The following ARAP2 variants were observed in gnomAD, a reference collection of about 807,000 sequenced individuals.
The protein encoded by ARAP2 is arf-GAP with Rho-GAP domain, ANK repeat and PH domain-containing protein 2.
A neutral mutation model predicts 194.5 loss-of-function variants in ARAP2; 148 were observed. The ratio of observed to expected loss-of-function variants is 0.76; its 90% confidence interval spans 0.67 to 0.87. The LOEUF (loss-of-function observed/expected upper bound fraction) is 0.87, where lower values mean the gene tolerates loss of function less well. ARAP2 is among the 40% of genes least tolerant of loss of function. The probability of loss-of-function intolerance (pLI) is 0.00; values close to 1 mark genes in which losing one functional copy is unlikely to be tolerated. For missense variants in ARAP2, 2,128 were observed against 1,989.7 expected (o/e 1.07, Z -1.32); for synonymous variants, 695 against 683.5 (o/e 1.02, Z -0.26).
Position 36,082,288 on chromosome 4 carries a change from T to C in ARAP2, c.4509-2A>G. The C allele has an allele frequency of 6.2e-7, 1 of 1,608,192 alleles. No homozygotes were observed. Among genetic ancestry groups the C allele is most frequent in the Non-Finnish European group, 8.5e-7 (1 of 1,177,864 alleles). ...TCAGAATATGCGGTCAATCCCCAGCTGCATCACATAGAAAAAAAAACACAC... is the reference window on the plus strand; with the variant it reads ...TCAGAATATGCGGTCAATCCCCAGCCGCATCACATAGAAAAAAAAACACAC... On this transcript the variant is annotated splice_acceptor_variant, in intron 29 of 32. Coordinates refer to ENST00000303965, the MANE Select transcript of ARAP2 (RefSeq NM_015230.4). LOFTEE classifies it high-confidence loss of function.
At chr4:36,204,530 A>T (rs1015124138) in intron 6 of ARAP2, among the ~76,000 whole-genome samples, 3 of 152,198 alleles carry the variant, frequency 2.0e-5, no homozygotes, top group African/African-American at 7.2e-5. Context: ...GATACAAGGG[A>T]ATCCCAAGAT....
At chr4:36,031,743 A>G (rs918840219) in intron 5 of ARAP2, among the ~76,000 whole-genome samples, 2 of 150,600 alleles carry the variant, frequency 1.3e-5, no homozygotes, top group African/African-American at 2.4e-5. Flanking sequence ...ATCTTGGCTC[A>G]CTGCAACCTC....
intron 8 of ARAP2, among the ~76,000 whole-genome samples, chr4:36,182,929 C>T (rs1739618088): frequency 6.6e-6 from 1 of 152,092 alleles, no homozygotes; most frequent in African/African-American, 2.4e-5. Flanking sequence ...GAATATATGA[C>T]TGTGGAGTAC....
intron 8 of ARAP2, among the ~76,000 whole-genome samples, chr4:36,013,511 T>C (rs1510653): frequency 0.17 from 25,192 of 152,030 alleles, 4,599 homozygotes; most frequent in African/African-American, 0.46. Flanking sequence ...AAAGAGAGAA[T>C]TATGGATACA....
chr4:36,159,359 C>G lies in ARAP2; in HGVS notation c.2589G>C (p.Met863Ile). ...AGAATTTGTTATGGTAGAGAAATTCCATTTGCAGACTTTGCCCAGCTTTCT... is the reference window on the plus strand; with the variant it reads ...AGAATTTGTTATGGTAGAGAAATTCGATTTGCAGACTTTGCCCAGCTTTCT... ...LAKKAGQSLQ[M>I]EFLYHNKFSD... The change falls in exon 14 of 33, where the codon ATG (methionine) becomes ATC (isoleucine). Residue 863 changes from methionine to isoleucine, a missense_variant. Met to Ile is a conservative substitution (Grantham distance 10). Transcript: ENST00000303965. 1 of 1,606,274 alleles carries G rather than the reference C, an allele frequency of 6.2e-7. No homozygotes were observed. The highest frequency in any genetic ancestry group is 8.5e-7 in the Non-Finnish European group (1 of 1,175,534).
intron 28 of ARAP2, among the ~76,000 whole-genome samples, 190 bp downstream of exon 28, chr4:36,091,691 C>A (rs1560410463): frequency 6.6e-6 from 1 of 152,054 alleles, no homozygotes; most frequent in Non-Finnish European, 1.5e-5. Context: ...CTAAAAAGGC[C>A]TTATAAAATT....
intron 20 of ARAP2, among the ~76,000 whole-genome samples, chr4:36,132,905 T>C (rs1474445293): frequency 1.3e-5 from 2 of 151,814 alleles, no homozygotes; most frequent in Non-Finnish European, 2.9e-5. Context: ...AAAGATAGTC[T>C]TCAATCTACT....
intron 27 of ARAP2, among the ~76,000 whole-genome samples, chr4:36,093,648 T>G (rs1714366475): frequency 6.6e-6 from 1 of 152,148 alleles, no homozygotes; most frequent in Non-Finnish European, 1.5e-5. Context: ...GTATTTTGGA[T>G]TCAGGGGTAC....
chr4:36,243,383 C>CAA (rs71201008), intron 1 of ARAP2, among the ~76,000 whole-genome samples: 2,448 of 84,940 alleles, frequency 0.029, 266 homozygotes, highest in African/African-American at 0.11. Context: ...GACAAGCTTG[C>CAA]AAAAAAAAAA....
intron 28 of ARAP2, among the ~76,000 whole-genome samples, chr4:36,088,577 A>T (rs1318224920): frequency 1.3e-5 from 2 of 152,090 alleles, no homozygotes; most frequent in Non-Finnish European, 2.9e-5. Flanking sequence ...TGAATCTGTG[A>T]TAAGGGCTGC....
chr4:36,054,735 C>T (rs1383497663), intron 2 of ARAP2, among the ~76,000 whole-genome samples: 1 of 152,182 alleles, frequency 6.6e-6, no homozygotes, highest in Non-Finnish European at 1.5e-5. Context: ...ATCATTACCA[C>T]ATACTACCAA....
chr4:36,126,950 A>T (rs1202300863), intron 21 of ARAP2, among the ~76,000 whole-genome samples: 1 of 151,918 alleles, frequency 6.6e-6, no homozygotes, highest in Non-Finnish European at 1.5e-5. Context: ...TGATCCTCCC[A>T]CCTCAGTCTT....
At chr4:36,204,038 C>CA (rs776398082) in intron 6 of ARAP2, among the ~76,000 whole-genome samples, 5 of 151,330 alleles carry the variant, frequency 3.3e-5, no homozygotes, top group East Asian at 1.9e-4. Flanking sequence ...ACAACAACAA[C>CA]AAAAAAAACT....
At chr4:36,209,424 T>A in intron 6 of ARAP2, 1 of 452,310 alleles carries the variant, frequency 2.2e-6, no homozygotes, top group Non-Finnish European at 4.4e-6. Context: ...CCTAAAAGAA[T>A]GAAAATATAT....
At chr4:36,221,522 T>TA (rs1003782064) in intron 2 of ARAP2, among the ~76,000 whole-genome samples, 74 of 148,244 alleles carry the variant, frequency 5.0e-4, no homozygotes, top group Non-Finnish European at 7.5e-4. Flanking sequence ...TAACTTACAT[T>TA]AAAAAAAAAA....
chr4:36,065,891 T>A (rs968149994), downstream of ARAP2: 14 of 152,222 alleles, frequency 9.2e-5, no homozygotes, highest in African/African-American at 3.4e-4. Flanking sequence ...ATACAGCCAG[T>A]TTGAAGTATA....
At chr4:36,037,604 C>A (rs1334385627) in intron 5 of ARAP2, among the ~76,000 whole-genome samples, 1 of 152,050 alleles carries the variant, frequency 6.6e-6, no homozygotes, top group Non-Finnish European at 1.5e-5. Flanking sequence ...TAGTAACATA[C>A]CTGCACTAAA....
intron 3 of ARAP2, 108 bp downstream of exon 3, chr4:36,214,314 C>T: frequency 2.7e-6 from 2 of 752,298 alleles, no homozygotes; most frequent in Non-Finnish European, 4.1e-6. Flanking sequence ...CAGTTATTTC[C>T]ATTGTTCCCT....
At chr4:36,100,209 ATG>A (rs1716480712) in intron 27 of ARAP2, among the ~76,000 whole-genome samples, 1 of 152,098 alleles carries the variant, frequency 6.6e-6, no homozygotes. Flanking sequence ...ACATAAAATA[ATG>A]TAAGTAAAGC....
Sources: allele counts gnomAD v4.1 joint callset (sites outside exome capture counted in the v4.1 genomes callset), GRCh38; gene constraint gnomAD v4.1.1; transcripts MANE v1.5; gene names NCBI Gene and HGNC (gene_info 2026-07-23, HGNC 2026-07-21).